Variants in CLK3 observed in about 807,000 individuals in gnomAD.
CLK3 encodes CDC like kinase 3.
CLK3 carries 24 observed loss-of-function variants against 65.2 expected under a neutral mutation model. The observed-to-expected ratio is 0.37, with a 90% CI of 0.27 to 0.52. The LOEUF (loss-of-function observed/expected upper bound fraction) is 0.52, where lower values mean the gene tolerates loss of function less well. Among genes scored for constraint, CLK3 ranks in the 20% least tolerant of loss-of-function variants. The pLI, the probability that CLK3 is intolerant of heterozygous loss-of-function variation, is 0.92. For missense variants in CLK3, 506 were observed against 660.0 expected, an observed-to-expected ratio of 0.77 and a Z score of 2.56; for synonymous variants, 252 against 240.8, an observed-to-expected ratio of 1.05 and a Z score of -0.43.
intron 6 of CLK3, 99 bp from the exon 7 acceptor site, chr15:74,625,703 G>C: frequency 2.4e-6 from 3 of 1,269,906 alleles, no homozygotes; most frequent in Non-Finnish European, 2.3e-6. Context: ...TGTGTGACCC[G>C]GTGGCCTAGG....
chr15:74,624,802 C>T lies in CLK3; in HGVS notation c.534-100C>T. ...CTGCTCTCTTCAGTGCCGGCTGCTC[C>T]TGGAGTGGTGTTTGTTGGGAGTTGC... On this transcript the variant is annotated intron_variant, in intron 5 of 12. Transcript: ENST00000395066. The surrounding 1 kb of genome is among the most constrained non-coding windows in gnomAD (Gnocchi z 4.2). 1.2e-6 allele frequency: 1 copy of T among 825,904 alleles called. No individual in the cohort carries two copies. The highest frequency in any genetic ancestry group is 2.0e-6 in the Non-Finnish European group (1 of 488,312). 51.2% of individuals were successfully genotyped at this position (825,904 alleles called of 1,614,324 possible). A position where few individuals can be genotyped will look rare whatever the true frequency, so the allele number is the denominator to read the frequency against.
chr15:74,617,361 C>T (rs966123874), intron 1 of CLK3, among the ~76,000 whole-genome samples: 1 of 152,196 alleles, frequency 6.6e-6, no homozygotes, highest in Non-Finnish European at 1.5e-5. Context: ...CTGGAACTTT[C>T]AGATGTTCAT....
In CLK3 at chr15:74,621,565, C is replaced by T. The variant is rs577948690; in HGVS notation, c.370-555C>T. The T allele has an allele frequency of 2.0e-5, 4 of 196,098 alleles. No homozygotes were observed. The highest frequency in any genetic ancestry group is 8.4e-5 in the South Asian group (1 of 11,964). 12.1% of individuals were successfully genotyped at this position (196,098 alleles called of 1,614,324 possible). On this transcript the variant is annotated intron_variant, in intron 3 of 12. Coordinates refer to ENST00000395066, the MANE Select transcript of CLK3 (RefSeq NM_001130028.2). The surrounding 1 kb of genome is among the most constrained non-coding windows in gnomAD (Gnocchi z 4.8). Reference sequence around the variant, plus strand: ...CAGCTGTCAGGCATGTGCAAGTCTGCGTGGGCGAACAGAGGCAGGCAAGGA... The same window carrying T: ...CAGCTGTCAGGCATGTGCAAGTCTGTGTGGGCGAACAGAGGCAGGCAAGGA...
chr15:74,612,586 C>T (rs187862767), upstream of CLK3, among the ~76,000 whole-genome samples: 46 of 152,272 alleles, frequency 3.0e-4, no homozygotes, highest in East Asian at 3.5e-3. Flanking sequence ...CTACCACCCC[C>T]ACCCTGACCT....
Position 74,627,803 on chromosome 15 carries a change from T to C in CLK3, c.1042+135T>C. On this transcript the variant is annotated intron_variant, in intron 9 of 12. Coordinates refer to ENST00000395066, the MANE Select transcript of CLK3 (RefSeq NM_001130028.2). The surrounding 1 kb of genome is among the most constrained non-coding windows in gnomAD (Gnocchi z 4.3). ...TTCTCAGACCAAGGGGCCAGTGTCA[T>C]GAGACACAGGTGACTGACCTGGCTT... 4 of 1,339,062 alleles carry C rather than the reference T, an allele frequency of 3.0e-6. No individual in the cohort carries two copies. The highest frequency in any genetic ancestry group is 4.2e-6 in the Non-Finnish European group (4 of 946,712). The allele number at this position is 1,339,062 out of a possible 1,614,324, so 82.9% of individuals were successfully genotyped here.
chr15:74,612,002 T>C (rs989224869), upstream of CLK3, among the ~76,000 whole-genome samples: 3 of 152,210 alleles, frequency 2.0e-5, no homozygotes, highest in African/African-American at 7.2e-5. Flanking sequence ...AGTTCTCAGT[T>C]CCCAGTGGTT....
rs200189676 is a variant in CLK3 at position 74,622,476 on chromosome 15, A to G, written c.467-18A>G. 3.0e-5 allele frequency: 48 copies of G among 1,593,092 alleles called. No individual in the cohort carries two copies. The highest frequency in any genetic ancestry group is 1.7e-4 in the Middle Eastern group (1 of 5,978). Reference sequence around the variant, plus strand: ...CCTGCCCTCCAGATTCTCATGCCCAATTTCTTTTCTCTCCTAGATGAGATT... The same window carrying G: ...CCTGCCCTCCAGATTCTCATGCCCAGTTTCTTTTCTCTCCTAGATGAGATT... On this transcript the variant is annotated intron_variant, in intron 4 of 12. Transcript: ENST00000395066. This position sits in a 1 kb window ranked among gnomAD's most constrained non-coding sequence, Gnocchi z 4.6.
intron 1 of CLK3, among the ~76,000 whole-genome samples, chr15:74,609,188 C>T (rs2061952755): frequency 6.6e-6 from 1 of 152,186 alleles, no homozygotes; most frequent in Admixed American, 6.5e-5. Context: ...TTGTGGAGCT[C>T]CAGCCTTTAC....
intron 6 of CLK3, 108 bp downstream of exon 6, chr15:74,625,126 C>G: frequency 1.3e-6 from 1 of 786,384 alleles, no homozygotes; most frequent in Non-Finnish European, 2.2e-6. Flanking sequence ...TCCCCACACT[C>G]AGAACCAGGG....
In CLK3 at chr15:74,627,227, C is replaced by G; in HGVS notation, c.818-125C>G. On this transcript the variant is annotated intron_variant, in intron 7 of 12. Coordinates refer to ENST00000395066, the MANE Select transcript of CLK3 (RefSeq NM_001130028.2). This position sits in a 1 kb window ranked among gnomAD's most constrained non-coding sequence, Gnocchi z 4.3. ...CACAGAGGCAGGCTGTAGTCCAGCTCCCTGCTGAGGTGGGGGTGTGAGGAC... is the reference window on the plus strand; with the variant it reads ...CACAGAGGCAGGCTGTAGTCCAGCTGCCTGCTGAGGTGGGGGTGTGAGGAC... 6.4e-6 allele frequency: 5 copies of G among 785,610 alleles called. No homozygotes were observed. The highest frequency in any genetic ancestry group is 5.2e-5 in the Admixed American group (3 of 57,490). The allele number at this position is 785,610 out of a possible 1,614,324, so 48.7% of individuals were successfully genotyped here.
chr15:74,627,937 G>C lies in CLK3; in HGVS notation c.1043-33G>C, dbSNP rs1461898689. On this transcript the variant is annotated intron_variant, in intron 9 of 12. Transcript: ENST00000395066. This position sits in a 1 kb window ranked among gnomAD's most constrained non-coding sequence, Gnocchi z 4.3. The stretch of plus-strand genomic sequence containing the variant: ...CTTCCAGGCTGGAAGCATAAGGCCG[G>C]ATCTCACAGCCTCTCCCCATCTTGG... 1.3e-6 allele frequency: 2 copies of C among 1,544,578 alleles called. No individual in the cohort carries two copies. The highest frequency in any genetic ancestry group is 1.4e-5 in the African/African-American group (1 of 73,700).
chr15:74,609,030 C>T (rs919157352), intron 1 of CLK3, among the ~76,000 whole-genome samples: 1 of 152,228 alleles, frequency 6.6e-6, no homozygotes, highest in African/African-American at 2.4e-5. Context: ...TGCAATGGCC[C>T]CCCAACACCA....
Position 74,622,004 on chromosome 15 carries a change from A to C in CLK3, c.370-116A>C, listed in dbSNP as rs769808341. ...TGGGATCTGGAAAATCCAACCAACCAACCCACCGGCTCCTCACCGTCTCCA... is the reference window on the plus strand; with the variant it reads ...TGGGATCTGGAAAATCCAACCAACCCACCCACCGGCTCCTCACCGTCTCCA... On this transcript the variant is annotated intron_variant, in intron 3 of 12. Coordinates refer to ENST00000395066, the MANE Select transcript of CLK3 (RefSeq NM_001130028.2). This position sits in a 1 kb window ranked among gnomAD's most constrained non-coding sequence, Gnocchi z 4.6. 8 of 909,028 alleles carry C rather than the reference A, an allele frequency of 8.8e-6. No homozygotes were observed. Among genetic ancestry groups the C allele is most frequent in the African/African-American group, 3.3e-5 (2 of 61,438 alleles). 56.3% of individuals were successfully genotyped at this position (909,028 alleles called of 1,614,324 possible).
chr15:74,615,960 G>GAA, intron 1 of CLK3, 62 bp downstream of exon 1: 1 of 1,166,018 alleles, frequency 8.6e-7, no homozygotes, highest in Middle Eastern at 3.2e-4. Context: ...GTGAGTCGGC[G>GAA]GGGCAGGCGC....
chr15:74,627,287 G>T lies in CLK3; in HGVS notation c.818-65G>T. 1 of 1,287,548 alleles carries T rather than the reference G, an allele frequency of 7.8e-7. No homozygotes were observed. The highest frequency in any genetic ancestry group is 1.1e-6 in the Non-Finnish European group (1 of 883,782). The allele number at this position is 1,287,548 out of a possible 1,614,324, so 79.8% of individuals were successfully genotyped here. A position where few individuals can be genotyped will look rare whatever the true frequency, so the allele number is the denominator to read the frequency against. On this transcript the variant is annotated intron_variant, in intron 7 of 12. Coordinates refer to ENST00000395066, the MANE Select transcript of CLK3 (RefSeq NM_001130028.2). The surrounding 1 kb of genome is among the most constrained non-coding windows in gnomAD (Gnocchi z 4.3). ...TTGCTGGCATTGGAAGAGGGGTCTGGCCTAGAGCTGGCAGGAGAGCCAGCT... is the reference window on the plus strand; with the variant it reads ...TTGCTGGCATTGGAAGAGGGGTCTGTCCTAGAGCTGGCAGGAGAGCCAGCT...
chr15:74,619,081 C>A, intron 1 of CLK3, 116 bp from the exon 2 acceptor site: 2 of 1,259,310 alleles, frequency 1.6e-6, no homozygotes, highest in Non-Finnish European at 2.2e-6. Flanking sequence ...CTGGGAGGGG[C>A]CGCCTTCAAA....
chr15:74,624,403 T>G lies in CLK3; in HGVS notation c.534-499T>G. On this transcript the variant is annotated intron_variant, in intron 5 of 12. Transcript: ENST00000395066. This position sits in a 1 kb window ranked among gnomAD's most constrained non-coding sequence, Gnocchi z 4.2. ...TGGCCCTGGGCCTCACAGTGAGAGG[T>G]ACCCTTGCTGGTACCCCTACCTCTT... The G allele has an allele frequency of 6.2e-6, 1 of 162,100 alleles. No individual in the cohort carries two copies. The highest frequency in any genetic ancestry group is 1.4e-5 in the Non-Finnish European group (1 of 73,298). 10.0% of individuals were successfully genotyped at this position (162,100 alleles called of 1,614,324 possible). A position where few individuals can be genotyped will look rare whatever the true frequency, so the allele number is the denominator to read the frequency against.
Position 74,620,100 on chromosome 15 carries a change from GACT to G in CLK3, c.249_251del (p.Tyr84del), listed in dbSNP as rs759672533. The G allele has an allele frequency of 2.4e-5, 38 of 1,614,074 alleles. No homozygotes were observed. The highest frequency in any genetic ancestry group is 3.1e-5 in the Non-Finnish European group (36 of 1,180,046). On this transcript the variant is annotated inframe_deletion, in exon 3 of 13. Coordinates refer to ENST00000395066, the MANE Select transcript of CLK3 (RefSeq NM_001130028.2). Reference sequence around the variant, plus strand: ...AGAGCGGAGCCCATCCTTTGGAGAGGACTACTATGGACCTTCACGTTCTCGTCA... The same window carrying G: ...AGAGCGGAGCCCATCCTTTGGAGAGGACTATGGACCTTCACGTTCTCGTCA...
rs1567143428 is a variant in CLK3, at chr15:74,622,141, C to T, written c.391C>T (p.Arg131Cys). The T allele has an allele frequency of 1.2e-6, 2 of 1,614,132 alleles. No individual in the cohort carries two copies. The highest frequency in any genetic ancestry group is 8.5e-7 in the Non-Finnish European group (1 of 1,179,998). The change falls in exon 4 of 13, where the codon CGC becomes TGC. Residue 131 changes from arginine to cysteine, a missense_variant. By Grantham distance (180) the Arg-to-Cys change is radical. Coordinates refer to ENST00000395066, the MANE Select transcript of CLK3 (RefSeq NM_001130028.2). The surrounding 1 kb of genome is among the most constrained non-coding windows in gnomAD (Gnocchi z 4.6). ...GCAGAGAAGCCAACAGAGCAGTAAG[C>T]GCAGCAGCCGGAGTGTGGAAGATGA... Reference protein sequence around the residue: ...ASSRSQQSSKRSSRSVEDDKE... With the variant: ...ASSRSQQSSKCSSRSVEDDKE...
Sources: gnomAD v4.1 joint callset for allele counts (sites outside exome capture counted in the v4.1 genomes callset) on GRCh38, gnomAD v4.1.1 for gene constraint, Gnocchi (gnomAD v3.1) non-coding constraint, MANE v1.5 for transcripts, NCBI Gene and HGNC (gene_info 2026-07-23, HGNC 2026-07-21) for gene names.